The following RSBN1L variants were observed in gnomAD, a reference collection of about 807,000 sequenced individuals.
RSBN1L encodes the protein lysine-specific demethylase RSBN1L.
RSBN1L carries 30 observed loss-of-function variants against 67.7 expected under a neutral mutation model. That is an observed-to-expected ratio of 0.44 (90% CI 0.33 to 0.60). RSBN1L has a LOEUF of 0.60. Among genes scored for constraint, RSBN1L ranks in the 20% least tolerant of loss-of-function variants. The probability of loss-of-function intolerance (pLI) is 0.02; values close to 1 mark genes in which losing one functional copy is unlikely to be tolerated. For synonymous variants in RSBN1L, 433 were observed against 387.0 expected, an observed-to-expected ratio of 1.12 and a Z score of -1.39; for missense variants, 992 against 1,031.7, an observed-to-expected ratio of 0.96 and a Z score of 0.53.
At chr7:77,698,468 T>C (rs1790770481) in intron 1 of RSBN1L, among the ~76,000 whole-genome samples, 1 of 152,190 alleles carries the variant, frequency 6.6e-6, no homozygotes, top group Non-Finnish European at 1.5e-5. Flanking sequence ...AACTGCACAT[T>C]TGCTGTAAGT....
intron 1 of RSBN1L, among the ~76,000 whole-genome samples, chr7:77,705,848 G>T (rs1317518808): frequency 6.6e-6 from 1 of 151,964 alleles, no homozygotes; most frequent in Non-Finnish European, 1.5e-5. Context: ...AATCTGTGGG[G>T]TGATGCTTTG....
chr7:77,743,926 A>G (rs767113590), intron 2 of RSBN1L, among the ~76,000 whole-genome samples: 4 of 151,864 alleles, frequency 2.6e-5, no homozygotes, highest in Non-Finnish European at 5.9e-5. Flanking sequence ...AGGTCTCTCT[A>G]TGTTCCCCAA....
rs1480767630 is a variant in RSBN1L at position 77,765,607 on chromosome 7, T to C, written c.1457T>C (p.Met486Thr). Reference sequence around the variant, plus strand: ...GATTATTTCCCTGAGTTCCTTGACATGTTGGAAGAGTCACCATTTTTAAAA... The same window carrying C: ...GATTATTTCCCTGAGTTCCTTGACACGTTGGAAGAGTCACCATTTTTAAAA... ...VGDYFPEFLD[M>T]LEESPFLKCT... The change falls in exon 4 of 8, where the codon ATG (methionine) becomes ACG (threonine). Residue 486 changes from methionine to threonine, a missense_variant. Met to Thr is a moderately conservative substitution (Grantham distance 81). This residue lies in a region of RSBN1L where 67 missense variants were observed against 130.5 expected (regional missense o/e 0.51). Transcript: ENST00000334955. 1 of 1,606,842 alleles carries C rather than the reference T, an allele frequency of 6.2e-7. No individual in the cohort carries two copies. The highest frequency in any genetic ancestry group is 8.5e-7 in the Non-Finnish European group (1 of 1,176,240).
intron 1 of RSBN1L, among the ~76,000 whole-genome samples, chr7:77,729,353 C>A (rs987392398): frequency 6.6e-6 from 1 of 152,188 alleles, no homozygotes; most frequent in African/African-American, 2.4e-5. Context: ...GTGTCCACTA[C>A]TGACTCACCT....
chr7:77,765,427 T>C, intron 3 of RSBN1L, 68 bp from the exon 4 acceptor site: 3 of 1,243,256 alleles, frequency 2.4e-6, no homozygotes, highest in South Asian at 2.0e-5. Context: ...GTGTAACTTT[T>C]AATTAAATCC....
chr7:77,722,158 T>G (rs1212984517), intron 1 of RSBN1L, among the ~76,000 whole-genome samples: 2 of 152,166 alleles, frequency 1.3e-5, no homozygotes, highest in Non-Finnish European at 2.9e-5. Flanking sequence ...TTGAACTTTT[T>G]TATATTAGAA....
chr7:77,717,643 A>C (rs1791065317), intron 1 of RSBN1L, among the ~76,000 whole-genome samples: 1 of 152,120 alleles, frequency 6.6e-6, no homozygotes, highest in Non-Finnish European at 1.5e-5. Flanking sequence ...GATACTTATA[A>C]TATATACTGC....
intron 3 of RSBN1L, among the ~76,000 whole-genome samples, chr7:77,751,642 ATAGTGT>A (rs1374607248): frequency 6.6e-6 from 1 of 152,212 alleles, no homozygotes; most frequent in Non-Finnish European, 1.5e-5. Flanking sequence ...GCATCTAATA[ATAGTGT>A]TTACTATTTA....
Position 77,740,571 on chromosome 7 carries a change from A to G in RSBN1L, c.703+4045A>G, listed in dbSNP as rs987878756. On this transcript the variant is annotated intron_variant, in intron 2 of 7. Coordinates refer to ENST00000334955, the MANE Select transcript of RSBN1L (RefSeq NM_198467.3). The stretch of plus-strand genomic sequence containing the variant: ...AAGCTAATTAGTACTTTTTTCCTAT[A>G]TGTAATAATGGGATGGGGGAGAGAG... 8.5e-5 allele frequency among the ~76,000 whole-genome samples: 13 copies of G among 152,334 alleles called. No homozygotes were observed. The South Asian group carries it at 2.1e-3, about 24-fold the overall frequency.
At chr7:77,775,586 T>C (rs1362634150) in intron 6 of RSBN1L, among the ~76,000 whole-genome samples, 1 of 152,254 alleles carries the variant, frequency 6.6e-6, no homozygotes, top group East Asian at 1.9e-4. Flanking sequence ...TCAAGAAGTG[T>C]TGTTTAGTTT....
chr7:77,728,431 A>G (rs10264590), intron 1 of RSBN1L, among the ~76,000 whole-genome samples: 87,428 of 152,006 alleles, frequency 0.58, 27,016 homozygotes, highest in African/African-American at 0.81. Flanking sequence ...TCTTTTATGT[A>G]ATCTGTTTAT....
chr7:77,705,212 C>T lies in RSBN1L; in HGVS notation c.586+8157C>T. On this transcript the variant is annotated intron_variant, in intron 1 of 7. Transcript: ENST00000334955. ...CATGTACCTTGACTTTTTAATATGA[C>T]ATTGACTTTTTGAAGATACCAGTCC... 1.3e-5 allele frequency among the ~76,000 whole-genome samples: 2 copies of T among 152,006 alleles called. 1 individual carries two copies.
At chr7:77,747,138 C>A (rs774243328) in intron 2 of RSBN1L, among the ~76,000 whole-genome samples, 2 of 152,168 alleles carry the variant, frequency 1.3e-5, no homozygotes, top group Non-Finnish European at 2.9e-5. Context: ...GGGGCTCCAA[C>A]CCCACATTTC....
At chr7:77,766,933 T>G (rs1791773774) in intron 4 of RSBN1L, among the ~76,000 whole-genome samples, 1 of 152,230 alleles carries the variant, frequency 6.6e-6, no homozygotes, top group African/African-American at 2.4e-5. Context: ...TATTTAAAAA[T>G]TACCAAATAT....
intron 3 of RSBN1L, among the ~76,000 whole-genome samples, chr7:77,754,402 C>T (rs1004536091): frequency 2.0e-5 from 3 of 152,276 alleles, no homozygotes; most frequent in Middle Eastern, 3.4e-3. Flanking sequence ...TTGAGTCTTC[C>T]GATCTGTGAT....
Position 77,696,821 on chromosome 7 carries a change from G to A in RSBN1L, c.352G>A (p.Ala118Thr). ...AGTAVPSSASASLSQPVPRKL... is the reference protein window; with the variant it reads ...AGTAVPSSASTSLSQPVPRKL... Reference sequence around the variant, plus strand: ...CACGGCCGTTCCCTCCTCAGCCTCCGCTTCCTTGTCTCAGCCGGTGCCGCG... The same window carrying A: ...CACGGCCGTTCCCTCCTCAGCCTCCACTTCCTTGTCTCAGCCGGTGCCGCG... The change falls in exon 1 of 8, where the codon GCT becomes ACT. Residue 118 changes from alanine (A) to threonine (T), a missense_variant. Transcript: ENST00000334955. 1.2e-6 allele frequency: 2 copies of A among 1,613,548 alleles called. No individual in the cohort carries two copies. Among genetic ancestry groups the A allele is most frequent in the South Asian group, 1.1e-5 (1 of 91,068 alleles).
intron 2 of RSBN1L, among the ~76,000 whole-genome samples, chr7:77,737,187 A>G (rs1791349101): frequency 2.6e-5 from 4 of 152,180 alleles, no homozygotes; most frequent in Admixed American, 2.0e-4. Flanking sequence ...AGACGTAAGG[A>G]TAGTCTTAAA....
At chr7:77,748,939 G>C (rs980618629) in intron 2 of RSBN1L, among the ~76,000 whole-genome samples, 13 of 151,796 alleles carry the variant, frequency 8.6e-5, no homozygotes, top group Admixed American at 2.0e-4. Flanking sequence ...CTCTCTCTCT[G>C]TCTCTCTCTC....
chr7:77,710,990 A>T (rs1790966613), intron 1 of RSBN1L, among the ~76,000 whole-genome samples: 1 of 152,184 alleles, frequency 6.6e-6, no homozygotes, highest in Non-Finnish European at 1.5e-5. Context: ...TCAGACCTTC[A>T]ACTTCTGGAT....
Sources: gnomAD v4.1 joint callset for allele counts (sites outside exome capture counted in the v4.1 genomes callset) on GRCh38, gnomAD v4.1.1 for gene constraint, gnomAD v4.1.1 regional missense constraint, MANE v1.5 for transcripts, NCBI Gene and HGNC (gene_info 2026-07-23, HGNC 2026-07-21) for gene names.